The following SESN3 variants were observed in gnomAD, a reference collection of about 807,000 sequenced individuals.
SESN3 encodes sestrin 3, also known as sestrin-3.
SESN3 carries 21 observed loss-of-function variants against 55.3 expected under a neutral mutation model. That is an observed-to-expected ratio of 0.38 (90% confidence interval 0.27 to 0.55). The LOEUF is 0.55. Ranked by LOEUF, SESN3 falls within the 20% of genes least tolerant of loss-of-function variation. The pLI, the probability that SESN3 is intolerant of heterozygous loss-of-function variation, is 0.76. For missense variants in SESN3, 408 were observed against 604.3 expected, an observed-to-expected ratio of 0.68 and a Z score of 3.41; for synonymous variants, 181 against 203.1, an observed-to-expected ratio of 0.89 and a Z score of 0.93.
rs1436827689 is a variant in SESN3 at position 95,185,408 on chromosome 11, C to T, written c.610G>A (p.Ala204Thr). 1.9e-6 allele frequency: 3 copies of T among 1,613,176 alleles called. No individual in the cohort carries two copies. The Admixed American group carries it at 5.0e-5, about 27-fold the overall frequency. The change falls in exon 5 of 10, where the codon GCA (alanine) becomes ACA (threonine). Residue 204 changes from alanine to threonine, a missense_variant. Ala to Thr is a moderately conservative substitution (Grantham distance 58). Coordinates refer to ENST00000536441, the MANE Select transcript of SESN3 (RefSeq NM_144665.4). ...ATACCACTACCAAAAACAAAGCTTG[C>T]CAAAGCATGATAATGTGCCAGGAGG... ...VVLLAHYHAL[A>T]SFVFGSGINP...
chr11:95,179,036 T>C (rs1860011893), intron 6 of SESN3, among the ~76,000 whole-genome samples: 1 of 152,214 alleles, frequency 6.6e-6, no homozygotes, highest in Admixed American at 6.5e-5. Context: ...ATTTAACTAG[T>C]TTTCCTAACT....
intron 1 of SESN3, among the ~76,000 whole-genome samples, chr11:95,207,804 C>A (rs1379348108): frequency 6.6e-6 from 1 of 150,886 alleles, no homozygotes; most frequent in Non-Finnish European, 1.5e-5. Flanking sequence ...AAATTCTCTT[C>A]AATGTTCTAT....
intron 1 of SESN3, among the ~76,000 whole-genome samples, chr11:95,229,047 ATTT>A (rs950484744): frequency 3.3e-5 from 5 of 152,184 alleles, no homozygotes; most frequent in African/African-American, 4.8e-5. Flanking sequence ...CCATTAAAAA[ATTT>A]TTTTATCAAA....
At position 95,175,615 on chromosome 11, in the gene SESN3, A is replaced by C. The variant is rs747819391; in HGVS notation, c.1275T>G (p.Val425=). The change falls in exon 9 of 10, where the codon GTT becomes GTG. Residue 425 remains valine (V), a synonymous_variant. Transcript: ENST00000536441. ...TCAGGCTTCTTTCAAGTAATTGATT[A>C]ACTTCTCCATAATCATAGTCATCAT... ...IRYDDYDYGE[V]NQLLERSLKV... The C allele has an allele frequency of 6.2e-7, 1 of 1,612,684 alleles. No homozygotes were observed. Among genetic ancestry groups the C allele is most frequent in the Non-Finnish European group, 8.5e-7 (1 of 1,178,844 alleles).
chr11:95,231,263 G>A (rs1167994402), upstream of SESN3: 4 of 392,668 alleles, frequency 1.0e-5, no homozygotes, highest in African/African-American at 2.1e-5. Context: ...CGCCCCTCCC[G>A]CCAATCGGAC....
At chr11:95,185,532 T>C (rs746734745) in intron 4 of SESN3, 40 bp from the exon 5 acceptor site, 1 of 1,280,888 alleles carries the variant, frequency 7.8e-7, no homozygotes, top group Non-Finnish European at 1.1e-6. Context: ...ATAAAAATTC[T>C]AGAATGCTAC....
At chr11:95,192,639 A>C (rs576232752) in intron 2 of SESN3, among the ~76,000 whole-genome samples, 1 of 152,264 alleles carries the variant, frequency 6.6e-6, no homozygotes, top group African/African-American at 2.4e-5. Flanking sequence ...AAATAAGTAC[A>C]CATTATACAA....
rs1272624733 is a variant in SESN3, at chr11:95,193,522, C to T, written c.79G>A (p.Asp27Asn). The T allele has an allele frequency of 1.3e-6, 2 of 1,573,136 alleles. No homozygotes were observed. The highest frequency in any genetic ancestry group is 2.3e-5 in the South Asian group (2 of 88,590). The change falls in exon 2 of 10, where the codon GAT (aspartate) becomes AAT (asparagine). Residue 27 changes from aspartate (D) to asparagine (N), a missense_variant and splice_region_variant. Coordinates refer to ENST00000536441, the MANE Select transcript of SESN3 (RefSeq NM_144665.4). ...GGTTGAGACACTCTGATTCTTTTATCCTATTTTTAAAAGAAAAGTTTTATG... is the reference window on the plus strand; with the variant it reads ...GGTTGAGACACTCTGATTCTTTTATTCTATTTTTAAAAGAAAAGTTTTATG... The part of the protein sequence containing the change: ...CTNCRKVLRK[D>N]KRIRVSQPLT...
chr11:95,186,843 C>T (rs1300971187), intron 4 of SESN3, among the ~76,000 whole-genome samples: 3 of 151,658 alleles, frequency 2.0e-5, no homozygotes, highest in East Asian at 1.9e-4. Context: ...AAAGAATATA[C>T]ACCAGAAAAA....
intron 1 of SESN3, among the ~76,000 whole-genome samples, chr11:95,222,360 A>G (rs888439800): frequency 5.3e-5 from 8 of 152,240 alleles, no homozygotes; most frequent in Non-Finnish European, 1.5e-5. Context: ...AAAGAAGTCC[A>G]GGCACAAATG....
chr11:95,167,475 C>CCATATATATATATATATATAT lies in SESN3; in HGVS notation c.*5779_*5780insATATATATATATATATATATG, dbSNP rs563322416. On this transcript the variant is annotated 3_prime_UTR_variant, in exon 10 of 10. Coordinates refer to ENST00000536441, the MANE Select transcript of SESN3 (RefSeq NM_144665.4). ...TCAGATATTCATTCTGTTTCCCCCC[C>CCATATATATATATATATATAT]ATATATATAATTTTTCATTCTGTAC... is the stretch of plus-strand genomic sequence containing the variant. The CCATATATATATATATATATAT allele has an allele frequency of 2.0e-5, 3 of 150,810 alleles. No homozygotes were observed. Among genetic ancestry groups the CCATATATATATATATATATAT allele is most frequent in the African/African-American group, 7.5e-5 (3 of 40,210 alleles). The allele number at this position is 150,810 out of a possible 1,614,324, so 9.3% of individuals were successfully genotyped here.
At chr11:95,224,707 C>CAA (rs2134271030) in intron 1 of SESN3, among the ~76,000 whole-genome samples, 1 of 152,246 alleles carries the variant, frequency 6.6e-6, no homozygotes, top group East Asian at 1.9e-4. Flanking sequence ...TTCAAAAATT[C>CAA]TAATTTTTCC....
At chr11:95,227,852 T>C in intron 1 of SESN3, among the ~76,000 whole-genome samples, 1 of 152,216 alleles carries the variant, frequency 6.6e-6, no homozygotes. Flanking sequence ...CTAGAATTTC[T>C]TCAAGTAAAA....
chr11:95,225,096 T>A (rs1049924372), intron 1 of SESN3, among the ~76,000 whole-genome samples: 36 of 152,334 alleles, frequency 2.4e-4, no homozygotes, highest in African/African-American at 8.2e-4. Flanking sequence ...TTTTTCCCCA[T>A]TGTTCAATGT....
intron 7 of SESN3, among the ~76,000 whole-genome samples, chr11:95,178,139 T>C (rs1170206890): frequency 1.3e-5 from 2 of 152,306 alleles, no homozygotes; most frequent in Non-Finnish European, 2.9e-5. Flanking sequence ...TGAACTCTGG[T>C]CATCTCCTAC....
chr11:95,193,102 C>T (rs771199964), intron 2 of SESN3, among the ~76,000 whole-genome samples: 4 of 152,096 alleles, frequency 2.6e-5, no homozygotes, highest in Non-Finnish European at 4.4e-5. Flanking sequence ...CATGGTGCAT[C>T]GTCCTCACCG....
At chr11:95,229,222 A>C (rs1861003810) in intron 1 of SESN3, among the ~76,000 whole-genome samples, 1 of 152,210 alleles carries the variant, frequency 6.6e-6, no homozygotes, top group South Asian at 2.1e-4. Flanking sequence ...TTGAAAGCTA[A>C]GTTCAGATGA....
intron 8 of SESN3, among the ~76,000 whole-genome samples, chr11:95,176,618 T>C (rs1391077462): frequency 1.3e-5 from 2 of 152,242 alleles, no homozygotes; most frequent in Admixed American, 6.5e-5. Context: ...GGAATTTCTC[T>C]GTTACATTTT....
chr11:95,213,241 TTA>T (rs1022444235), intron 1 of SESN3, among the ~76,000 whole-genome samples: 2 of 152,216 alleles, frequency 1.3e-5, no homozygotes, highest in Non-Finnish European at 2.9e-5. Flanking sequence ...TCCACTGTAT[TTA>T]TGTCACATAA....
Sources: gnomAD v4.1 joint callset for allele counts (sites outside exome capture counted in the v4.1 genomes callset) on GRCh38, gnomAD v4.1.1 for gene constraint, MANE v1.5 for transcripts, NCBI Gene and HGNC (gene_info 2026-07-23, HGNC 2026-07-21) for gene names.